EML4: variants seen among roughly 807,000 people sequenced by gnomAD.
The protein encoded by EML4 is echinoderm microtubule-associated protein-like 4.
In EML4, 72 loss-of-function variants were observed where a neutral mutation model predicts 129.0. The ratio of observed to expected loss-of-function variants is 0.56; its 90% CI spans 0.46 to 0.68. EML4 has a LOEUF of 0.68. EML4 is among the 30% of genes least tolerant of loss of function. The pLI, the probability that EML4 is intolerant of heterozygous loss-of-function variation, is 0.00. For synonymous variants in EML4, 532 were observed against 405.0 expected, an observed-to-expected ratio of 1.31 and a Z score of -3.77; for missense variants, 1,363 against 1,190.6, an observed-to-expected ratio of 1.14 and a Z score of -2.13.
intron 1 of EML4, among the ~76,000 whole-genome samples, chr2:42,181,273 G>T (rs2579961): frequency 0.45 from 69,004 of 151,922 alleles, 15,955 homozygotes; most frequent in East Asian, 0.74. Flanking sequence ...TATCTGTATG[G>T]ACTCAGGTTT....
intron 1 of EML4, among the ~76,000 whole-genome samples, chr2:42,221,693 T>A (rs1238479976): frequency 6.6e-6 from 1 of 151,968 alleles, no homozygotes; most frequent in Non-Finnish European, 1.5e-5. Flanking sequence ...AGCCTCCGCC[T>A]CCTGGGTTCA....
At chr2:42,257,567 G>C (rs56040128) in intron 3 of EML4, among the ~76,000 whole-genome samples, 21,410 of 152,206 alleles carry the variant, frequency 0.14, 1,743 homozygotes, top group South Asian at 0.29. Flanking sequence ...CGGGCACGGT[G>C]GCTCATGCCT....
In EML4 at chr2:42,326,199, G is replaced by A. The variant is rs566561081; in HGVS notation, c.2288G>A (p.Cys763Tyr). Reference protein sequence around the residue: ...GCKLIRNRSDCKDIDWTTYTC... With the variant: ...GCKLIRNRSDYKDIDWTTYTC... ...AAACTAATCAGGAATCGATCGGATT[G>A]TAAGGACATTGATTGGACGACATAT... Residue 763 changes from cysteine (C) to tyrosine (Y), a missense_variant, in exon 21 of 23, where the codon TGT becomes TAT. Coordinates refer to ENST00000318522, the MANE Select transcript of EML4 (RefSeq NM_019063.5). 3.1e-6 allele frequency: 5 copies of A among 1,613,802 alleles called. No homozygotes were observed. The highest frequency in any genetic ancestry group is 3.3e-5 in the Admixed American group (2 of 59,988).
chr2:42,256,676 T>C, intron 3 of EML4, 46 bp downstream of exon 3: 1 of 1,606,304 alleles, frequency 6.2e-7, no homozygotes, highest in Non-Finnish European at 8.5e-7. Context: ...CAGAATTGTC[T>C]GAATGTGGTA....
Position 42,326,229 on chromosome 2 carries a change from G to T in EML4, c.2318G>T (p.Cys773Phe). ...CKDIDWTTYTCVLGFQVFGVW... is the reference protein window; with the variant it reads ...CKDIDWTTYTFVLGFQVFGVW... Reference sequence around the variant, plus strand: ...GACATTGATTGGACGACATATACCTGTGTGCTAGGATTTCAAGTATTTGGT... The same window carrying T: ...GACATTGATTGGACGACATATACCTTTGTGCTAGGATTTCAAGTATTTGGT... Residue 773 changes from cysteine to phenylalanine, a missense_variant, in exon 21 of 23, where the codon TGT becomes TTT. Cys to Phe is a radical substitution (Grantham distance 205). Coordinates refer to ENST00000318522, the MANE Select transcript of EML4 (RefSeq NM_019063.5). 1 of 1,611,654 alleles carries T rather than the reference G, an allele frequency of 6.2e-7. No homozygotes were observed. The highest frequency in any genetic ancestry group is 8.5e-7 in the Non-Finnish European group (1 of 1,178,694).
chr2:42,205,770 C>G (rs1672502584), intron 1 of EML4, among the ~76,000 whole-genome samples: 1 of 152,166 alleles, frequency 6.6e-6, no homozygotes, highest in South Asian at 2.1e-4. Context: ...ATCCTATTTT[C>G]TTTGGGTTAG....
intron 1 of EML4, among the ~76,000 whole-genome samples, chr2:42,196,905 T>C (rs1314467397): frequency 1.3e-5 from 2 of 152,166 alleles, no homozygotes; most frequent in Non-Finnish European, 2.9e-5. Flanking sequence ...TCTCATTCTT[T>C]ATAATGGGAG....
intron 1 of EML4, among the ~76,000 whole-genome samples, chr2:42,210,463 G>C (rs906333389): frequency 1.3e-5 from 2 of 152,154 alleles, no homozygotes. Flanking sequence ...CTGAGGTACT[G>C]TTTGTTAGGT....
At chr2:42,307,641 TTTTTA>T (rs931368465) in intron 17 of EML4, among the ~76,000 whole-genome samples, 8 of 152,238 alleles carry the variant, frequency 5.3e-5, no homozygotes, top group South Asian at 2.1e-4. Flanking sequence ...GGTTAAGAAA[TTTTTA>T]TTTTATTTTA....
intron 1 of EML4, among the ~76,000 whole-genome samples, chr2:42,206,560 C>T (rs983225608): frequency 1.3e-5 from 2 of 152,174 alleles, no homozygotes; most frequent in African/African-American, 4.8e-5. Flanking sequence ...GTCTTGCCTA[C>T]TTTAATCTGG....
intron 13 of EML4, among the ~76,000 whole-genome samples, chr2:42,299,548 C>A (rs1668159737): frequency 6.6e-6 from 1 of 152,134 alleles, no homozygotes; most frequent in African/African-American, 2.4e-5. Context: ...TCTATTTCTC[C>A]CTCCCCTCAG....
chr2:42,176,009 T>C (rs1481952583), intron 1 of EML4, among the ~76,000 whole-genome samples: 10 of 151,908 alleles, frequency 6.6e-5, no homozygotes, highest in Non-Finnish European at 1.2e-4. Flanking sequence ...TTTTTTTTTT[T>C]CCCACTTGAA....
chr2:42,280,160 A>G (rs949873782), intron 6 of EML4, among the ~76,000 whole-genome samples: 4 of 152,184 alleles, frequency 2.6e-5, no homozygotes, highest in African/African-American at 9.7e-5. Flanking sequence ...TGTCTATCCA[A>G]ATAATCTCAC....
chr2:42,193,519 G>C (rs1025902682), intron 1 of EML4, among the ~76,000 whole-genome samples: 1 of 152,084 alleles, frequency 6.6e-6, no homozygotes, highest in Admixed American at 6.6e-5. Context: ...ATTTCTTAGG[G>C]CCAAACCCAA....
chr2:42,318,241 T>A (rs897742113), intron 19 of EML4, among the ~76,000 whole-genome samples: 8 of 152,188 alleles, frequency 5.3e-5, no homozygotes, highest in African/African-American at 1.9e-4. Context: ...CTACCTGAAT[T>A]TGAATTCTTT....
At position 42,326,200 on chromosome 2, in the gene EML4, T is replaced by C. The variant is rs1270863647; in HGVS notation, c.2289T>C (p.Cys763=). The C allele has an allele frequency of 6.2e-7, 1 of 1,613,830 alleles. No homozygotes were observed. The highest frequency in any genetic ancestry group is 2.2e-5 in the East Asian group (1 of 44,820). Residue 763 remains cysteine, a synonymous_variant, in exon 21 of 23, where the codon TGT becomes TGC. Transcript: ENST00000318522. ...AACTAATCAGGAATCGATCGGATTG[T>C]AAGGACATTGATTGGACGACATATA... ...GCKLIRNRSD[C]KDIDWTTYTC... is the part of the protein sequence containing the mutation.
chr2:42,243,846 A>C (rs1675193127), intron 1 of EML4, among the ~76,000 whole-genome samples: 1 of 152,198 alleles, frequency 6.6e-6, no homozygotes, highest in Non-Finnish European at 1.5e-5. Context: ...GAATTAAATT[A>C]AGTTCCATAG....
At chr2:42,231,831 C>T (rs536458107) in intron 1 of EML4, among the ~76,000 whole-genome samples, 9 of 152,190 alleles carry the variant, frequency 5.9e-5, no homozygotes, top group Admixed American at 4.6e-4. Flanking sequence ...CACCTTTAGT[C>T]CCAGCTACTC....
intron 6 of EML4, among the ~76,000 whole-genome samples, chr2:42,273,421 A>G (rs1331054579): frequency 6.6e-6 from 1 of 152,210 alleles, no homozygotes; most frequent in Non-Finnish European, 1.5e-5. Context: ...ATTGTAAACA[A>G]AACATCAAGA....
Sources: gnomAD v4.1 joint callset for allele counts (sites outside exome capture counted in the v4.1 genomes callset) on GRCh38, gnomAD v4.1.1 for gene constraint, MANE v1.5 for transcripts, NCBI Gene and HGNC (gene_info 2026-07-23, HGNC 2026-07-21) for gene names.